Variants in PHACTR3 observed in about 807,000 individuals in gnomAD.
The protein encoded by PHACTR3 is protein phosphatase 1, regulatory subunit 123.
PHACTR3 carries 16 observed loss-of-function variants against 66.8 expected under a neutral mutation model. The observed-to-expected ratio is 0.24, with a 90% confidence interval of 0.16 to 0.36. The LOEUF (loss-of-function observed/expected upper bound fraction) is 0.36. PHACTR3 is among the 10% of genes least tolerant of loss of function. The pLI, the probability that PHACTR3 is intolerant of heterozygous loss-of-function variation, is 1.00. For synonymous variants in PHACTR3, 323 were observed against 292.1 expected, an observed-to-expected ratio of 1.11 and a Z score of -1.08; for missense variants, 647 against 719.9, an observed-to-expected ratio of 0.90 and a Z score of 1.16.
At chr20:59,776,878 G>A (rs182612891) in intron 7 of PHACTR3, among the ~76,000 whole-genome samples, 1 of 152,246 alleles carries the variant, frequency 6.6e-6, no homozygotes, top group African/African-American at 2.4e-5. Flanking sequence ...CTCTGATTGA[G>A]TGCTCTGCAC....
At chr20:59,817,546 G>C (rs2041921013) in intron 8 of PHACTR3, among the ~76,000 whole-genome samples, 3 of 152,246 alleles carry the variant, frequency 2.0e-5, no homozygotes, top group African/African-American at 7.2e-5. Flanking sequence ...GGAGGCGGGT[G>C]GGGGATGGTG....
Position 59,773,435 on chromosome 20 carries a change from C to G in PHACTR3, c.908C>G (p.Thr303Arg), listed in dbSNP as rs370704487. 1.9e-6 allele frequency: 3 copies of G among 1,611,862 alleles called. No individual in the cohort carries two copies. The highest frequency in any genetic ancestry group is 2.7e-5 in the African/African-American group (2 of 74,980). ...VIEELHRALATKHRQDSFQGR... is the reference protein window; with the variant it reads ...VIEELHRALARKHRQDSFQGR... ...GAGGAGCTGCACAGGGCGCTGGCCA[C>G]GAAGCACCGCCAGGACAGGTGAGGC... Residue 303 changes from threonine (T) to arginine (R), a missense_variant, in exon 6 of 13, where the codon ACG (threonine) becomes AGG (arginine). Transcript: ENST00000371015.
chr20:59,754,914 A>G (rs915676485), intron 3 of PHACTR3, among the ~76,000 whole-genome samples: 17 of 152,326 alleles, frequency 1.1e-4, no homozygotes, highest in Middle Eastern at 3.4e-3. Flanking sequence ...GCTCAGGGGC[A>G]CTGCAGTCTC....
chr20:59,657,946 T>C (rs2035677447), intron 1 of PHACTR3, among the ~76,000 whole-genome samples: 1 of 152,166 alleles, frequency 6.6e-6, no homozygotes, highest in South Asian at 2.1e-4. Flanking sequence ...TATACATATG[T>C]TGGTCCACTT....
chr20:59,691,296 T>C (rs1348887209), intron 1 of PHACTR3, among the ~76,000 whole-genome samples: 1 of 152,214 alleles, frequency 6.6e-6, no homozygotes, highest in Non-Finnish European at 1.5e-5. Flanking sequence ...TCATCTTTCA[T>C]ATTTAAAACT....
At chr20:59,683,402 G>C (rs998212906) in intron 1 of PHACTR3, among the ~76,000 whole-genome samples, 2 of 152,150 alleles carry the variant, frequency 1.3e-5, no homozygotes, top group Admixed American at 1.3e-4. Flanking sequence ...AGCTGAATGT[G>C]AGCTAACGCG....
chr20:59,815,848 C>T (rs909152988), intron 8 of PHACTR3, among the ~76,000 whole-genome samples: 4 of 152,052 alleles, frequency 2.6e-5, no homozygotes, highest in African/African-American at 9.7e-5. Flanking sequence ...GGTGTGCAAA[C>T]ATCTCCTATG....
intron 11 of PHACTR3, among the ~76,000 whole-genome samples, chr20:59,842,673 TATTTCTAG>T (rs1185269071): frequency 6.6e-6 from 1 of 152,154 alleles, no homozygotes; most frequent in Admixed American, 6.5e-5. Flanking sequence ...TAGAAAGGCT[TATTTCTAG>T]ATTATCTCTG....
chr20:59,798,635 A>G (rs950672201), intron 7 of PHACTR3, among the ~76,000 whole-genome samples: 3 of 152,144 alleles, frequency 2.0e-5, no homozygotes, highest in Non-Finnish European at 2.9e-5. Context: ...TGTCAAATTT[A>G]TTAGCATGAA....
Position 59,830,387 on chromosome 20 carries a change from A to G in PHACTR3, c.1329-6118A>G, listed in dbSNP as rs187333309. 6.6e-6 allele frequency among the ~76,000 whole-genome samples: 1 copy of G among 151,998 alleles called. No homozygotes were observed. Among genetic ancestry groups the G allele is most frequent in the East Asian group, 1.9e-4 (1 of 5,164 alleles). Reference sequence around the variant, plus strand: ...GAGACGGTGTGAATGTCTGATGGAGAGAGCATGAGTGATGAAGAGGGTGTG... The same window carrying G: ...GAGACGGTGTGAATGTCTGATGGAGGGAGCATGAGTGATGAAGAGGGTGTG... On this transcript the variant is annotated intron_variant, in intron 8 of 12. Coordinates refer to ENST00000371015, the MANE Select transcript of PHACTR3 (RefSeq NM_080672.5). This position sits in a 1 kb window ranked among gnomAD's most constrained non-coding sequence, Gnocchi z 5.8.
chr20:59,630,295 G>C (rs548203834), intron 1 of PHACTR3, among the ~76,000 whole-genome samples: 2 of 152,138 alleles, frequency 1.3e-5, no homozygotes, highest in South Asian at 4.2e-4. Flanking sequence ...TGATTCTCCT[G>C]CCTCAGCCTC....
intron 1 of PHACTR3, among the ~76,000 whole-genome samples, chr20:59,707,748 G>A (rs2037762704): frequency 6.6e-6 from 1 of 152,092 alleles, no homozygotes; most frequent in African/African-American, 2.4e-5. Flanking sequence ...TTACAGGCGT[G>A]AGCCCCCTTG....
At chr20:59,769,024 G>A (rs1170616201) in intron 5 of PHACTR3, among the ~76,000 whole-genome samples, 1 of 152,126 alleles carries the variant, frequency 6.6e-6, no homozygotes, top group Non-Finnish European at 1.5e-5. Flanking sequence ...GGGCGCCCCC[G>A]CCACCCCACC....
chr20:59,729,546 C>T (rs1355169765), intron 1 of PHACTR3, among the ~76,000 whole-genome samples: 3 of 152,102 alleles, frequency 2.0e-5, no homozygotes, highest in African/African-American at 4.8e-5. Context: ...ATCTGCTAGC[C>T]GGGCTGGCCC....
intron 1 of PHACTR3, among the ~76,000 whole-genome samples, chr20:59,688,491 G>A (rs1601108492): frequency 6.6e-6 from 1 of 152,266 alleles, no homozygotes; most frequent in South Asian, 2.1e-4. Context: ...TTATCTTTTG[G>A]ATTCTGAGAA....
chr20:59,678,363 C>T (rs1307096180), intron 1 of PHACTR3, among the ~76,000 whole-genome samples: 1 of 152,148 alleles, frequency 6.6e-6, no homozygotes, highest in Non-Finnish European at 1.5e-5. Context: ...TTCAGAGCAG[C>T]CTGCTCACTC....
chr20:59,687,215 T>A (rs1346568104), intron 1 of PHACTR3, among the ~76,000 whole-genome samples: 1 of 151,982 alleles, frequency 6.6e-6, no homozygotes, highest in Non-Finnish European at 1.5e-5. Flanking sequence ...GCAGTGATGG[T>A]GATGATGACG....
intron 1 of PHACTR3, among the ~76,000 whole-genome samples, chr20:59,666,322 T>C (rs1009082420): frequency 6.6e-6 from 1 of 152,152 alleles, no homozygotes; most frequent in Non-Finnish European, 1.5e-5. Flanking sequence ...GTCTGCCCTC[T>C]CCCACCCTGC....
At chr20:59,800,581 C>T (rs576378503) in intron 7 of PHACTR3, among the ~76,000 whole-genome samples, 13 of 152,208 alleles carry the variant, frequency 8.5e-5, no homozygotes, top group African/African-American at 2.4e-4. Context: ...TATTTCTGTA[C>T]ACTTTTAATA....
Sources: allele counts gnomAD v4.1 joint callset (sites outside exome capture counted in the v4.1 genomes callset), GRCh38; gene constraint gnomAD v4.1.1; non-coding constraint Gnocchi (gnomAD v3.1); transcripts MANE v1.5; gene names NCBI Gene and HGNC (gene_info 2026-07-23, HGNC 2026-07-21).